LDB2: variants seen among roughly 807,000 people sequenced by gnomAD.
LDB2 encodes LIM domain-binding protein 2.
Under a neutral mutation model 44.3 loss-of-function variants are expected in LDB2, and 12 were observed. The observed-to-expected ratio is 0.27, with a 90% CI of 0.17 to 0.44. LDB2 has a LOEUF of 0.44. LDB2 is among the 20% of genes least tolerant of loss of function. The pLI is 1.00. For missense variants in LDB2, 344 were observed against 473.5 expected (o/e 0.73, Z 2.54); for synonymous variants, 164 against 174.8 (o/e 0.94, Z 0.49).
intron 1 of LDB2, among the ~76,000 whole-genome samples, chr4:16,817,821 TC>T (rs1781234673): frequency 6.6e-6 from 1 of 152,138 alleles, no homozygotes; most frequent in Non-Finnish European, 1.5e-5. Context: ...TGAGTCTTGC[TC>T]CAGAATTTGT....
intron 1 of LDB2, among the ~76,000 whole-genome samples, chr4:16,875,175 G>C (rs1469780762): frequency 1.3e-5 from 2 of 152,018 alleles, no homozygotes; most frequent in East Asian, 3.9e-4. Flanking sequence ...TAGTGTCTGG[G>C]GAAACATAAG....
chr4:16,810,223 C>T (rs1015538611), intron 1 of LDB2, among the ~76,000 whole-genome samples: 3 of 152,112 alleles, frequency 2.0e-5, no homozygotes, highest in Non-Finnish European at 4.4e-5. Flanking sequence ...GTCTGGCACC[C>T]AGTTCCATGA....
chr4:16,628,883 G>T (rs1731074026), intron 2 of LDB2, among the ~76,000 whole-genome samples: 1 of 152,178 alleles, frequency 6.6e-6, no homozygotes, highest in Non-Finnish European at 1.5e-5. Flanking sequence ...ACCTGGAGAA[G>T]CAGTACACTT....
At chr4:16,563,288 TTCTA>T (rs1452392118) in intron 5 of LDB2, among the ~76,000 whole-genome samples, 4 of 151,814 alleles carry the variant, frequency 2.6e-5, no homozygotes, top group Non-Finnish European at 2.9e-5. Flanking sequence ...AGGATCTCGT[TTCTA>T]TCTGTGATTT....
chr4:16,646,623 C>G (rs3763969), intron 2 of LDB2, among the ~76,000 whole-genome samples: 1 of 152,040 alleles, frequency 6.6e-6, no homozygotes, highest in Non-Finnish European at 1.5e-5. Context: ...CCTACCAATC[C>G]TAGCAGGGAC....
At chr4:16,558,818 G>C (rs1363666927) in intron 5 of LDB2, among the ~76,000 whole-genome samples, 1 of 152,120 alleles carries the variant, frequency 6.6e-6, no homozygotes, top group African/African-American at 2.4e-5. Flanking sequence ...GAGAAAGGTC[G>C]GGTTACCCAC....
chr4:16,611,496 T>A, intron 2 of LDB2, among the ~76,000 whole-genome samples: 1 of 143,750 alleles, frequency 7.0e-6, no homozygotes, highest in Admixed American at 7.0e-5. Context: ...ACACGCAGGC[T>A]CAAAATGAAG....
At chr4:16,575,116 A>T (rs1189365399) in intron 5 of LDB2, among the ~76,000 whole-genome samples, 2 of 152,162 alleles carry the variant, frequency 1.3e-5, no homozygotes, top group Non-Finnish European at 2.9e-5. Flanking sequence ...ACATTAGAGA[A>T]ATGATTAAAC....
At chr4:16,508,179 C>T (rs943550571) in intron 7 of LDB2, among the ~76,000 whole-genome samples, 1 of 152,148 alleles carries the variant, frequency 6.6e-6, no homozygotes, top group South Asian at 2.1e-4. Context: ...AGCACAGGGT[C>T]TCCAATGATG....
intron 5 of LDB2, among the ~76,000 whole-genome samples, chr4:16,566,553 T>C (rs1356662820): frequency 1.3e-5 from 2 of 151,944 alleles, no homozygotes; most frequent in East Asian, 3.9e-4. Context: ...AAGAAAAAAA[T>C]CACCCCATTT....
chr4:16,586,779 C>T (rs1717138492), intron 4 of LDB2, among the ~76,000 whole-genome samples: 1 of 152,154 alleles, frequency 6.6e-6, no homozygotes, highest in Non-Finnish European at 1.5e-5. Context: ...AAATGACTCT[C>T]TTGGTTGATA....
intron 2 of LDB2, among the ~76,000 whole-genome samples, chr4:16,757,107 G>A (rs915489278): frequency 2.0e-5 from 3 of 152,170 alleles, no homozygotes; most frequent in Non-Finnish European, 4.4e-5. Context: ...GGCACAGCAT[G>A]CCTGGACCTC....
At chr4:16,522,672 C>T (rs1269044476) in intron 5 of LDB2, among the ~76,000 whole-genome samples, 2 of 152,112 alleles carry the variant, frequency 1.3e-5, no homozygotes, top group Non-Finnish European at 2.9e-5. Context: ...TATACACACA[C>T]ACATAACCTG....
chr4:16,877,551 CATAGGTGA>C (rs1718802652), intron 1 of LDB2, among the ~76,000 whole-genome samples: 1 of 152,116 alleles, frequency 6.6e-6, no homozygotes, highest in South Asian at 2.1e-4. Flanking sequence ...TTCTCACAGG[CATAGGTGA>C]AAATTCTTGT....
chr4:16,846,321 C>G (rs1343641836), intron 1 of LDB2, among the ~76,000 whole-genome samples: 1 of 152,154 alleles, frequency 6.6e-6, no homozygotes, highest in Admixed American at 6.5e-5. Context: ...GCTAACAAAG[C>G]TTTAATAATT....
chr4:16,643,944 C>T (rs961792313), intron 2 of LDB2, among the ~76,000 whole-genome samples: 3 of 152,160 alleles, frequency 2.0e-5, no homozygotes, highest in Non-Finnish European at 4.4e-5. Flanking sequence ...CATGCTTTTT[C>T]ATTGTTTCTT....
intron 5 of LDB2, among the ~76,000 whole-genome samples, chr4:16,577,710 C>G (rs776122980): frequency 3.3e-5 from 5 of 152,020 alleles, no homozygotes; most frequent in African/African-American, 4.8e-5. Context: ...CACAAAAACA[C>G]AGAAAACAAT....
intron 2 of LDB2, among the ~76,000 whole-genome samples, chr4:16,639,943 G>C (rs909532513): frequency 6.6e-6 from 1 of 152,240 alleles, no homozygotes; most frequent in South Asian, 2.1e-4. Context: ...ATGACAAATA[G>C]CATATGTTGT....
At chr4:16,705,133 ATG>A (rs1490958023) in intron 2 of LDB2, among the ~76,000 whole-genome samples, 1 of 128,646 alleles carries the variant, frequency 7.8e-6, no homozygotes, top group Non-Finnish European at 1.7e-5. Context: ...TTACATAAAT[ATG>A]TCATATATAA....
Sources: gnomAD v4.1 joint callset for allele counts (sites outside exome capture counted in the v4.1 genomes callset) on GRCh38, gnomAD v4.1.1 for gene constraint, MANE v1.5 for transcripts, NCBI Gene and HGNC (gene_info 2026-07-23, HGNC 2026-07-21) for gene names.